The following PIWIL2 variants were observed in gnomAD, a reference collection of about 807,000 sequenced individuals.
PIWIL2 encodes the protein piwi like RNA-mediated gene silencing 2, also known as piwi-like protein 2.
Under a neutral mutation model 116.5 loss-of-function variants are expected in PIWIL2, and 81 were observed. The observed-to-expected ratio is 0.70, with a 90% CI of 0.58 to 0.84. PIWIL2 has a LOEUF of 0.84. Ranked by LOEUF, PIWIL2 falls within the 40% of genes least tolerant of loss-of-function variation. The probability of loss-of-function intolerance (pLI) is 0.00; values close to 1 mark genes in which losing one functional copy is unlikely to be tolerated. For missense variants in PIWIL2, 1,272 were observed against 1,212.3 expected, an observed-to-expected ratio of 1.05 and a Z score of -0.73; for synonymous variants, 489 against 429.5, an observed-to-expected ratio of 1.14 and a Z score of -1.71.
intron 1 of PIWIL2, among the ~76,000 whole-genome samples, chr8:22,278,869 A>G (rs1830437582): frequency 1.3e-5 from 2 of 152,240 alleles, no homozygotes; most frequent in South Asian, 4.2e-4. Flanking sequence ...CATCCTCCTT[A>G]TGAGAATCTA....
chr8:22,297,524 G>A (rs1328150990), intron 10 of PIWIL2, among the ~76,000 whole-genome samples: 1 of 151,760 alleles, frequency 6.6e-6, no homozygotes, highest in Non-Finnish European at 1.5e-5. Context: ...TTACTGTAAT[G>A]CATCTAGTTG....
chr8:22,346,379 C>T (rs907571351), intron 20 of PIWIL2, among the ~76,000 whole-genome samples: 9 of 152,182 alleles, frequency 5.9e-5, no homozygotes, highest in African/African-American at 1.9e-4. Context: ...AGAATGCCTT[C>T]GCATGCTTGG....
rs1039602084 is a variant in PIWIL2 at position 22,303,904 on chromosome 8, G to T, written c.1182-117G>T. The T allele has an allele frequency of 5.4e-6, 3 of 559,032 alleles. No individual in the cohort carries two copies. The African/African-American group carries it at 5.8e-5, about 11-fold the overall frequency. The allele number at this position is 559,032 out of a possible 1,614,324, so 34.6% of individuals were successfully genotyped here. A position where few individuals can be genotyped will look rare whatever the true frequency, so the allele number is the denominator to read the frequency against. ...AAGAGTCCCATCTTTTAACACAACT[G>T]GAGCCTTCTGGTGCTATATAGCTGT... On this transcript the variant is annotated intron_variant, in intron 10 of 22. Coordinates refer to ENST00000356766, the MANE Select transcript of PIWIL2 (RefSeq NM_018068.5).
At chr8:22,287,785 G>A in intron 7 of PIWIL2, 140 bp downstream of exon 7, 1 of 649,926 alleles carries the variant, frequency 1.5e-6, no homozygotes, top group South Asian at 1.7e-5. Flanking sequence ...GGGACTACAG[G>A]CGTGTGAGCC....
chr8:22,334,216 C>T (rs1831927110), intron 20 of PIWIL2, among the ~76,000 whole-genome samples: 1 of 151,778 alleles, frequency 6.6e-6, no homozygotes, highest in South Asian at 2.1e-4. Flanking sequence ...CTTAGGTGAT[C>T]CACCTTCCTT....
rs189355402 is a variant in PIWIL2, at chr8:22,333,701, C to G, written c.2403+15426C>G. On this transcript the variant is annotated intron_variant, in intron 20 of 22. Transcript: ENST00000356766. ...TAGAAACCAGAAGGTTAGTGGTTGC[C>G]TGGGGCTGGGGTCGAGGAGGGAACT... 2.5e-3 allele frequency among the ~76,000 whole-genome samples: 384 copies of G among 152,052 alleles called. 1 individual carries two copies. The highest frequency in any genetic ancestry group is 3.5e-3 in the Non-Finnish European group (241 of 67,990).
intron 10 of PIWIL2, among the ~76,000 whole-genome samples, chr8:22,303,026 C>G (rs904144305): frequency 1.2e-4 from 18 of 152,186 alleles, no homozygotes; most frequent in African/African-American, 4.1e-4. Flanking sequence ...TTCTCTATCT[C>G]AAAAGGTTGT....
intron 5 of PIWIL2, 147 bp downstream of exon 5, chr8:22,283,387 AT>A: frequency 3.1e-6 from 2 of 641,072 alleles, no homozygotes; most frequent in South Asian, 3.6e-5. Context: ...CCAGTGGGAG[AT>A]TGACAAAGAG....
At chr8:22,334,972 T>C (rs1831946348) in intron 20 of PIWIL2, among the ~76,000 whole-genome samples, 2 of 151,646 alleles carry the variant, frequency 1.3e-5, no homozygotes, top group Non-Finnish European at 1.5e-5. Context: ...GGGAAATCAC[T>C]TGAACCCAGG....
At chr8:22,352,903 C>A in intron 20 of PIWIL2, 56 bp from the exon 21 acceptor site, 1 of 1,554,712 alleles carries the variant, frequency 6.4e-7, no homozygotes, top group South Asian at 1.2e-5. Context: ...CTCTCACTGA[C>A]TGTGGTCCGT....
At chr8:22,342,596 C>G (rs939833225) in intron 20 of PIWIL2, among the ~76,000 whole-genome samples, 1 of 152,128 alleles carries the variant, frequency 6.6e-6, no homozygotes, top group African/African-American at 2.4e-5. Flanking sequence ...ATGCATAGAC[C>G]ATACACGTTT....
At chr8:22,351,134 G>C (rs1169429809) in intron 20 of PIWIL2, among the ~76,000 whole-genome samples, 1 of 151,818 alleles carries the variant, frequency 6.6e-6, no homozygotes, top group Non-Finnish European at 1.5e-5. Flanking sequence ...CTGGGCAACA[G>C]AGCGAGACTC....
intron 5 of PIWIL2, among the ~76,000 whole-genome samples, chr8:22,283,959 T>C (rs1403787522): frequency 6.6e-6 from 1 of 152,220 alleles, no homozygotes; most frequent in Non-Finnish European, 1.5e-5. Flanking sequence ...ACCTTGCTTA[T>C]CTAATTAGGT....
chr8:22,304,850 ACAGGATAAT>A lies in PIWIL2; in HGVS notation c.1440_1448del (p.Gln480_Asn482del), dbSNP rs754612049. ...TGCTGATTCACAGGCCCAGTGAGAG[ACAGGATAAT>A]CATGGGATGGTGAGTAGGGCTGTCA... On this transcript the variant is annotated inframe_deletion, in exon 12 of 23. Transcript: ENST00000356766. 3 of 1,608,538 alleles carry A rather than the reference ACAGGATAAT, an allele frequency of 1.9e-6. No individual in the cohort carries two copies. Among genetic ancestry groups the A allele is most frequent in the Non-Finnish European group, 1.7e-6 (2 of 1,175,004 alleles).
At chr8:22,288,280 A>G (rs973336567) in intron 7 of PIWIL2, among the ~76,000 whole-genome samples, 5 of 146,668 alleles carry the variant, frequency 3.4e-5, no homozygotes, top group African/African-American at 1.3e-4. Context: ...CCTGGGTGAC[A>G]GAGCGAGACT....
intron 17 of PIWIL2, 133 bp downstream of exon 17, chr8:22,314,562 G>A (rs1831408611): frequency 2.2e-6 from 1 of 459,050 alleles, no homozygotes; most frequent in Admixed American, 4.1e-5. Context: ...TCTGGTGAAA[G>A]GTTCTCCTGA....
chr8:22,276,430 C>T (rs1415682485), intron 1 of PIWIL2, among the ~76,000 whole-genome samples: 2 of 152,228 alleles, frequency 1.3e-5, no homozygotes. Flanking sequence ...ATTCTCCTGC[C>T]TCTGCCTCCC....
At chr8:22,340,084 C>T (rs919069302) in intron 20 of PIWIL2, among the ~76,000 whole-genome samples, 1 of 99,296 alleles carries the variant, frequency 1.0e-5, no homozygotes, top group Non-Finnish European at 1.9e-5. Flanking sequence ...AGGAGTTTCA[C>T]TCTTGTTGCC....
At chr8:22,345,178 C>A (rs963282011) in intron 20 of PIWIL2, among the ~76,000 whole-genome samples, 1 of 152,128 alleles carries the variant, frequency 6.6e-6, no homozygotes, top group Non-Finnish European at 1.5e-5. Flanking sequence ...AACATAGACT[C>A]CATATGTAAA....
Sources: gnomAD v4.1 joint callset for allele counts (sites outside exome capture counted in the v4.1 genomes callset) on GRCh38, gnomAD v4.1.1 for gene constraint, MANE v1.5 for transcripts, NCBI Gene and HGNC (gene_info 2026-07-23, HGNC 2026-07-21) for gene names.